Variants in BCAS3 observed in about 807,000 individuals in gnomAD.
BCAS3 encodes BCAS3 microtubule associated cell migration factor.
Under a neutral mutation model 116.1 loss-of-function variants are expected in BCAS3, and 53 were observed. That is an observed-to-expected ratio of 0.46 (90% confidence interval 0.37 to 0.57). The LOEUF is 0.57. BCAS3 is among the 20% of genes least tolerant of loss of function. The pLI is 0.00. For synonymous variants in BCAS3, 391 were observed against 408.2 expected (o/e 0.96, Z 0.51); for missense variants, 917 against 1,165.4 (o/e 0.79, Z 3.10).
At chr17:61,067,727 A>AAAC (rs1555697071) in intron 19 of BCAS3, among the ~76,000 whole-genome samples, 2 of 91,638 alleles carry the variant, frequency 2.2e-5, no homozygotes, top group African/African-American at 1.0e-4. Flanking sequence ...ACAAACAAAC[A>AAAC]AAAAAAAAAA....
intron 14 of BCAS3, among the ~76,000 whole-genome samples, chr17:60,989,002 T>A (rs1330137115): frequency 6.6e-6 from 1 of 152,052 alleles, no homozygotes; most frequent in Non-Finnish European, 1.5e-5. Context: ...CCTTTTTTTT[T>A]ATTTAGGTGC....
At chr17:61,150,627 C>T (rs1363754420) in intron 22 of BCAS3, among the ~76,000 whole-genome samples, 2 of 152,186 alleles carry the variant, frequency 1.3e-5, no homozygotes, top group African/African-American at 2.4e-5. Flanking sequence ...ACATGTTTCT[C>T]AACTCTCCTC....
chr17:60,683,758 G>A (rs551287471), intron 2 of BCAS3, among the ~76,000 whole-genome samples: 3 of 151,454 alleles, frequency 2.0e-5, no homozygotes, highest in African/African-American at 4.9e-5. Context: ...CTTAAGCCCC[G>A]GAGGTCGAGG....
chr17:60,814,289 G>A (rs992257637), intron 7 of BCAS3, among the ~76,000 whole-genome samples: 4 of 134,384 alleles, frequency 3.0e-5, no homozygotes, highest in African/African-American at 1.6e-4. Context: ...GTGTGTGTGT[G>A]TGTGTGTGTG....
At chr17:60,710,001 G>A (rs2037653355) in intron 5 of BCAS3, among the ~76,000 whole-genome samples, 2 of 151,982 alleles carry the variant, frequency 1.3e-5, no homozygotes, top group Non-Finnish European at 2.9e-5. Context: ...ATTTTTAATT[G>A]AGATGGGGTC....
At chr17:60,861,275 T>C (rs2054133339) in intron 7 of BCAS3, among the ~76,000 whole-genome samples, 1 of 152,220 alleles carries the variant, frequency 6.6e-6, no homozygotes, top group African/African-American at 2.4e-5. Flanking sequence ...ATTACTTTCT[T>C]GATTTGGCTC....
chr17:61,177,952 T>G (rs1045738565), intron 22 of BCAS3, among the ~76,000 whole-genome samples: 3 of 152,192 alleles, frequency 2.0e-5, no homozygotes, highest in Non-Finnish European at 4.4e-5. Flanking sequence ...TACATAAGAC[T>G]ATATACTATA....
At chr17:61,190,283 TG>T (rs1376793734) in intron 22 of BCAS3, among the ~76,000 whole-genome samples, 1 of 151,992 alleles carries the variant, frequency 6.6e-6, no homozygotes, top group Non-Finnish European at 1.5e-5. Context: ...CCTAGCACTT[TG>T]GGAGGCCAAG....
intron 15 of BCAS3, among the ~76,000 whole-genome samples, chr17:60,991,623 A>T (rs2063531987): frequency 6.6e-6 from 1 of 152,178 alleles, no homozygotes; most frequent in Non-Finnish European, 1.5e-5. Context: ...AGTCATTGTT[A>T]TTTTATTAAT....
At chr17:60,794,087 G>T (rs990066769) in intron 6 of BCAS3, among the ~76,000 whole-genome samples, 1 of 151,988 alleles carries the variant, frequency 6.6e-6, no homozygotes, top group African/African-American at 2.4e-5. Context: ...TTGATTTTTT[G>T]ATTATGGCCA....
At position 61,200,139 on chromosome 17, in the gene BCAS3, C is replaced by T. The variant is rs1362432573; in HGVS notation, c.2425+115575C>T. 1.3e-5 allele frequency among the ~76,000 whole-genome samples: 2 copies of T among 152,162 alleles called. No individual in the cohort carries two copies. The highest frequency in any genetic ancestry group is 4.8e-5 in the African/African-American group (2 of 41,438). ...AGTTTGAAGTTGCCCCCCTTCATTTCTTATCCTCTTTATAAAAAACAAAAC... is the reference window on the plus strand; with the variant it reads ...AGTTTGAAGTTGCCCCCCTTCATTTTTTATCCTCTTTATAAAAAACAAAAC... On this transcript the variant is annotated intron_variant, in intron 22 of 23. Coordinates refer to ENST00000407086, the MANE Select transcript of BCAS3 (RefSeq NM_017679.5). The surrounding 1 kb of genome is among the most constrained non-coding windows in gnomAD (Gnocchi z 5.1).
intron 5 of BCAS3, among the ~76,000 whole-genome samples, chr17:60,724,860 C>CT (rs377193874): frequency 3.3e-5 from 5 of 149,336 alleles, no homozygotes; most frequent in African/African-American, 9.9e-5. Context: ...GTTTCATTTC[C>CT]TTTTTTGTAG....
At chr17:61,232,401 TG>T (rs141765216) in intron 22 of BCAS3, among the ~76,000 whole-genome samples, 6,361 of 150,560 alleles carry the variant, frequency 0.042, 120 homozygotes, top group South Asian at 0.097. Context: ...AAAAAAAAGG[TG>T]GGGGGTGGGG....
At chr17:61,335,037 G>C (rs1031200407) in intron 22 of BCAS3, among the ~76,000 whole-genome samples, 2 of 152,200 alleles carry the variant, frequency 1.3e-5, no homozygotes, top group African/African-American at 2.4e-5. Context: ...GGTCATCCCA[G>C]GGGCACCCAG....
At chr17:60,946,967 C>G (rs1043124557) in intron 13 of BCAS3, among the ~76,000 whole-genome samples, 2 of 152,150 alleles carry the variant, frequency 1.3e-5, no homozygotes, top group Admixed American at 6.5e-5. Context: ...TCAAACTTCT[C>G]TCTGCTAGTT....
chr17:60,854,911 GATT>G (rs1013153870), intron 7 of BCAS3, among the ~76,000 whole-genome samples: 3 of 149,774 alleles, frequency 2.0e-5, no homozygotes, highest in Non-Finnish European at 4.4e-5. Context: ...TCATAAAATG[GATT>G]ATTATTCTTA....
intron 22 of BCAS3, among the ~76,000 whole-genome samples, chr17:61,182,004 G>T (rs1043078147): frequency 6.6e-6 from 1 of 151,836 alleles, no homozygotes; most frequent in Non-Finnish European, 1.5e-5. Flanking sequence ...CTGCCTTGTA[G>T]CTGGGACTAC....
chr17:61,143,323 A>G (rs375247816), intron 22 of BCAS3, among the ~76,000 whole-genome samples: 28 of 152,332 alleles, frequency 1.8e-4, no homozygotes, highest in African/African-American at 6.3e-4. Flanking sequence ...TCAAAATACC[A>G]TACTTTAATA....
intron 22 of BCAS3, among the ~76,000 whole-genome samples, chr17:61,232,101 A>G (rs568094998): frequency 6.8e-6 from 1 of 147,158 alleles, no homozygotes; most frequent in Non-Finnish European, 1.5e-5. Flanking sequence ...GCTACTCGGG[A>G]GACTGAGGCA....
Sources: gnomAD v4.1 joint callset for allele counts (sites outside exome capture counted in the v4.1 genomes callset) on GRCh38, gnomAD v4.1.1 for gene constraint, Gnocchi (gnomAD v3.1) non-coding constraint, MANE v1.5 for transcripts, NCBI Gene and HGNC (gene_info 2026-07-23, HGNC 2026-07-21) for gene names.